Variants in DVL2 observed in about 807,000 individuals in gnomAD.
DVL2 encodes the protein dishevelled segment polarity protein 2, also known as segment polarity protein dishevelled homolog DVL-2.
DVL2 carries 38 observed loss-of-function variants against 69.8 expected under a neutral mutation model. The observed-to-expected ratio is 0.54, with a 90% CI of 0.42 to 0.71. The LOEUF (loss-of-function observed/expected upper bound fraction) is 0.71, where lower values mean the gene tolerates loss of function less well. DVL2 is among the 30% of genes least tolerant of loss of function. DVL2 has a pLI of 0.00. For synonymous variants in DVL2, 428 were observed against 392.4 expected (o/e 1.09, Z -1.07); for missense variants, 931 against 1,008.1 (o/e 0.92, Z 1.04).
rs370978465 is a variant in DVL2, at chr17:7,229,111, C to T, written c.957+24G>A. 8 of 1,613,892 alleles carry T rather than the reference C, an allele frequency of 5.0e-6. No homozygotes were observed. In the African/African-American group the frequency reaches 9.3e-5, roughly 19 times the overall value. On this transcript the variant is annotated intron_variant, in intron 8 of 14. Coordinates refer to ENST00000005340, the MANE Select transcript of DVL2 (RefSeq NM_004422.3). This position sits in a 1 kb window ranked among gnomAD's most constrained non-coding sequence, Gnocchi z 4.4. ...GGCTGAGGGCCCCCGTGCAGGGCAG[C>T]TCAGTGGCCCTACCCCAGCACACCT...
In DVL2 at chr17:7,226,308, G is replaced by C. The variant is rs752499366; in HGVS notation, c.1768C>G (p.Arg590Gly). Residue 590 changes from arginine (R) to glycine (G), a missense_variant, in exon 15 of 15, where the codon CGG (arginine) becomes GGG (glycine). Arg to Gly is a moderately radical substitution (Grantham distance 125). Around this residue, in one of 3 missense-constraint regions of DVL2, gnomAD observed 314 missense variants for 313.7 expected, o/e 1.00. Transcript: ENST00000005340. Reference protein sequence around the residue: ...SASSQHSEGSRSSGSTRSDGG... With the variant: ...SASSQHSEGSGSSGSTRSDGG... ...TCACTCCGTGTCGACCCACTGCTCC[G>C]GCTGCCTGTGGAGGGAGGGGAGGGG... 3 of 1,561,396 alleles carry C rather than the reference G, an allele frequency of 1.9e-6. No individual in the cohort carries two copies. Among genetic ancestry groups the C allele is most frequent in the Non-Finnish European group, 2.6e-6 (3 of 1,157,210 alleles).
At position 7,229,813 on chromosome 17, in the gene DVL2, C is replaced by T; in HGVS notation, c.651G>A (p.Met217Ile). ...AGAGCTGTGCGGAGCCACACCTGCT[C>T]ATGGTGTCCTCCTCGTCCGAGTCCC... The part of the protein sequence containing the change: ...SLGDSDEEDT[M>I]SRFSSSTEQS... The change falls in exon 5 of 15, where the codon ATG (methionine) becomes ATA (isoleucine). Residue 217 changes from methionine (M) to isoleucine (I), a missense_variant. By Grantham distance (10) the Met-to-Ile change is conservative. Coordinates refer to ENST00000005340, the MANE Select transcript of DVL2 (RefSeq NM_004422.3). The surrounding 1 kb of genome is among the most constrained non-coding windows in gnomAD (Gnocchi z 4.4). The T allele has an allele frequency of 6.2e-7, 1 of 1,611,818 alleles. No individual in the cohort carries two copies.
In DVL2 at chr17:7,227,295, G is replaced by C; in HGVS notation, c.1364-26C>G. On this transcript the variant is annotated intron_variant, in intron 12 of 14. Transcript: ENST00000005340. ...CTGGGAGCACCCACAGTGGAAAAAG[G>C]CCTCAGGTTCTTCTTCCAACTCCTG... The C allele has an allele frequency of 1.2e-6, 2 of 1,600,752 alleles. 1 individual carries two copies.
rs1203796549 is a variant in DVL2 at position 7,227,746 on chromosome 17, C to T, written c.1140G>A (p.Val380=). 8 of 1,595,554 alleles carry T rather than the reference C, an allele frequency of 5.0e-6. No homozygotes were observed. The highest frequency in any genetic ancestry group is 6.0e-6 in the Non-Finnish European group (7 of 1,171,034). Residue 380 remains valine (V), a synonymous_variant, in exon 11 of 15, where the codon GTG becomes GTA. Coordinates refer to ENST00000005340, the MANE Select transcript of DVL2 (RefSeq NM_004422.3). ...TGCCAGTCAGAGCCGCGGAATGGGA[C>T]ACCCAGGCAGCAGGGTCAATTGGCT... ...PIQPIDPAAW[V]SHSAALTGTF...
chr17:7,231,110 A>C (rs1014633598), intron 1 of DVL2, among the ~76,000 whole-genome samples: 1 of 152,132 alleles, frequency 6.6e-6, no homozygotes, highest in Non-Finnish European at 1.5e-5. Flanking sequence ...GCTGCCTGAG[A>C]TACCTATCTA....
At chr17:7,231,192 G>A (rs1381265194) in intron 1 of DVL2, among the ~76,000 whole-genome samples, 2 of 152,082 alleles carry the variant, frequency 1.3e-5, no homozygotes, top group African/African-American at 2.4e-5. Flanking sequence ...GGTCAGGCAC[G>A]GTGGCTCACA....
Position 7,230,427 on chromosome 17 carries a change from C to G in DVL2, c.268G>C (p.Val90Leu), listed in dbSNP as rs564573436. The G allele has an allele frequency of 3.7e-6, 6 of 1,614,016 alleles. No homozygotes were observed. The Admixed American group carries it at 1.0e-4, about 27-fold the overall frequency. The change falls in exon 3 of 15, where the codon GTG becomes CTG. Residue 90 changes from valine (V) to leucine (L), a missense_variant. Around this residue, in one of 3 missense-constraint regions of DVL2, gnomAD observed 555 missense variants for 588.8 expected, o/e 0.94. Coordinates refer to ENST00000005340, the MANE Select transcript of DVL2 (RefSeq NM_004422.3). ...TCGGGTTGGGGATTATCTGAGGACA[C>G]CAGCTAGAAGGGTGCAAATGATAAA... ...CFNGRVVSWL[V>L]SSDNPQPEMA...
chr17:7,231,516 T>C (rs1414103512), intron 1 of DVL2, among the ~76,000 whole-genome samples: 2 of 150,886 alleles, frequency 1.3e-5, no homozygotes, highest in African/African-American at 4.9e-5. Flanking sequence ...TCTTATACTT[T>C]CCTTTAGTTT....
In DVL2 at chr17:7,228,974, C is replaced by A; in HGVS notation, c.1029G>T (p.Lys343Asn). The A allele has an allele frequency of 1.2e-6, 2 of 1,614,148 alleles. No homozygotes were observed. Among genetic ancestry groups the A allele is most frequent in the Non-Finnish European group, 1.7e-6 (2 of 1,180,014 alleles). ...CAACCTGCTTGGCAACTCACCCAGG[C>A]TTGTGCACAATGTCCCTCAGCACCC... is the stretch of plus-strand genomic sequence containing the variant. ...AVRVLRDIVH[K>N]PGPIVLTVAK... Residue 343 changes from lysine to asparagine, a missense_variant, in exon 9 of 15, where the codon AAG (lysine) becomes AAT (asparagine). Transcript: ENST00000005340.
rs1410086481 is a variant in DVL2, at chr17:7,227,038, C to G, written c.1543+52G>C. 3 of 1,545,594 alleles carry G rather than the reference C, an allele frequency of 1.9e-6. No individual in the cohort carries two copies. The African/African-American group carries it at 4.1e-5, about 21-fold the overall frequency. On this transcript the variant is annotated intron_variant, in intron 13 of 14. Coordinates refer to ENST00000005340, the MANE Select transcript of DVL2 (RefSeq NM_004422.3). ...TGGGCTAGGTCTAGGGTTGGAGAGG[C>G]AGAACAAGGTAGGCAAAGCCACACT...
intron 10 of DVL2, 29 bp downstream of exon 10, chr17:7,227,948 C>T: frequency 6.3e-7 from 1 of 1,576,188 alleles, no homozygotes; most frequent in Non-Finnish European, 8.6e-7. Context: ...CCACCCCCAA[C>T]TTCAGGCCCC....
rs573715100 is a variant in DVL2, at chr17:7,225,692, C to T, written c.*173G>A. On this transcript the variant is annotated 3_prime_UTR_variant, in exon 15 of 15. Coordinates refer to ENST00000005340, the MANE Select transcript of DVL2 (RefSeq NM_004422.3). ...AATAATCAAAGGTCCCTTGTCTACC[C>T]CTGAGGGAAGGGGGAGGAACCAGGC... 19 of 631,534 alleles carry T rather than the reference C, an allele frequency of 3.0e-5. No individual in the cohort carries two copies. The highest frequency in any genetic ancestry group is 5.0e-5 in the Non-Finnish European group (18 of 358,486). The allele number at this position is 631,534 out of a possible 1,614,324, so 39.1% of individuals were successfully genotyped here. A position where few individuals can be genotyped will look rare whatever the true frequency, so the allele number is the denominator to read the frequency against.
intron 1 of DVL2, among the ~76,000 whole-genome samples, chr17:7,233,749 T>G (rs2071585127): frequency 6.6e-6 from 1 of 152,130 alleles, no homozygotes; most frequent in South Asian, 2.1e-4. Flanking sequence ...CCTGAGAACG[T>G]ACTAAACAAC....
In DVL2 at chr17:7,227,911, G is replaced by A. The variant is rs928803265; in HGVS notation, c.1102+66C>T. On this transcript the variant is annotated intron_variant, in intron 10 of 14. Transcript: ENST00000005340. ...TCCCACCCATTCCCCATGACCACAG[G>A]CCCGGCCCCAGCCTCCTGGGCAGCC... The A allele has an allele frequency of 2.6e-5, 41 of 1,572,992 alleles. No homozygotes were observed. The African/African-American group carries it at 2.7e-4, about 10-fold the overall frequency.
In DVL2 at chr17:7,226,579, G is replaced by T. The variant is rs72839768; in HGVS notation, c.1604C>A (p.Thr535Asn). The change falls in exon 14 of 15, where the codon ACC becomes AAC. Residue 535 changes from threonine (T) to asparagine (N), a missense_variant. Transcript: ENST00000005340. ...DGSSGASDQD[T>N]LAPLPGATPW... ...GGTGGCCCCAGGCAGAGGAGCCAGG[G>T]TATCCTGGTCTGAAGCCCCACTGGA... 9 of 1,606,294 alleles carry T rather than the reference G, an allele frequency of 5.6e-6. No homozygotes were observed. Among genetic ancestry groups the T allele is most frequent in the Non-Finnish European group, 7.6e-6 (9 of 1,176,972 alleles).
rs1488995115 is a variant in DVL2 at position 7,229,062 on chromosome 17, G to A, written c.958-17C>T. On this transcript the variant is annotated splice_polypyrimidine_tract_variant and intron_variant, in intron 8 of 14. Transcript: ENST00000005340. This position sits in a 1 kb window ranked among gnomAD's most constrained non-coding sequence, Gnocchi z 4.4. ...GTCATTCACCTGGAAGCGACGGCAA[G>A]TGGGTCAGAGACACGGTGGGAGAGG... 4 of 1,614,062 alleles carry A rather than the reference G, an allele frequency of 2.5e-6. No homozygotes were observed. The highest frequency in any genetic ancestry group is 2.5e-6 in the Non-Finnish European group (3 of 1,180,036).
At chr17:7,228,176 A>G (rs1440468411) in intron 9 of DVL2, 132 bp from the exon 10 acceptor site, 4 of 717,674 alleles carry the variant, frequency 5.6e-6, no homozygotes, top group Non-Finnish European at 9.3e-6. Flanking sequence ...GGGCTAGAGA[A>G]GGTGAGGGTG....
rs776987470 is a variant in DVL2 at position 7,230,071 on chromosome 17, G to T, written c.495C>A (p.Arg165=). 100 of 1,614,042 alleles carry T rather than the reference G, an allele frequency of 6.2e-5. No individual in the cohort carries two copies. In the East Asian group the frequency reaches 1.2e-3, roughly 19 times the overall value. ...SVVSLRRERP[R]RRDSSEHGAG... ...CGCCATGCTCACTGCTGTCTCTCCT[G>T]CGAGGCCGCTCCCGCCTCAGTGACA... Residue 165 remains arginine (R), a synonymous_variant, in exon 4 of 15, where the codon CGC becomes CGA. Transcript: ENST00000005340.
intron 13 of DVL2, 121 bp from the exon 14 acceptor site, chr17:7,226,760 G>A (rs1157194143): frequency 8.7e-6 from 7 of 801,856 alleles, no homozygotes; most frequent in East Asian, 8.5e-5. Flanking sequence ...GCTCAAAACA[G>A]GGGTTCACAA....
Sources: gnomAD v4.1 joint callset for allele counts (sites outside exome capture counted in the v4.1 genomes callset) on GRCh38, gnomAD v4.1.1 for gene constraint, gnomAD v4.1.1 regional missense constraint, Gnocchi (gnomAD v3.1) non-coding constraint, MANE v1.5 for transcripts, NCBI Gene and HGNC (gene_info 2026-07-23, HGNC 2026-07-21) for gene names.